The following IMMP2L variants were observed in gnomAD, a reference collection of about 807,000 sequenced individuals.
IMMP2L encodes inner mitochondrial membrane peptidase subunit 2.
IMMP2L carries 18 observed loss-of-function variants against 19.3 expected under a neutral mutation model. That is an observed-to-expected ratio of 0.93 (90% confidence interval 0.64 to 1.38). The LOEUF (loss-of-function observed/expected upper bound fraction) is 1.38. Among genes scored for constraint, IMMP2L ranks in the 40% most tolerant of loss-of-function variants. The probability of loss-of-function intolerance (pLI) is 0.00; values close to 1 mark genes in which losing one functional copy is unlikely to be tolerated. For missense variants in IMMP2L, 233 were observed against 218.2 expected (o/e 1.07, Z -0.43); for synonymous variants, 76 against 73.0 (o/e 1.04, Z -0.21).
At chr7:110,791,187 G>C (rs2131147921) in intron 5 of IMMP2L, among the ~76,000 whole-genome samples, 1 of 151,734 alleles carries the variant, frequency 6.6e-6, no homozygotes, top group South Asian at 2.1e-4. Flanking sequence ...GCACATAATA[G>C]AAAAAGAATT....
intron 5 of IMMP2L, among the ~76,000 whole-genome samples, chr7:110,790,208 G>A (rs1210552806): frequency 6.6e-6 from 1 of 151,594 alleles, no homozygotes; most frequent in Non-Finnish European, 1.5e-5. Flanking sequence ...AAACCAGCCT[G>A]ACTTGCTTGA....
intron 3 of IMMP2L, among the ~76,000 whole-genome samples, chr7:111,167,606 G>C (rs980626241): frequency 6.6e-6 from 1 of 151,996 alleles, no homozygotes; most frequent in East Asian, 1.9e-4. Flanking sequence ...CTTACCTTTA[G>C]TGTATTGACG....
chr7:111,269,372 A>T (rs1818199383), intron 3 of IMMP2L, among the ~76,000 whole-genome samples: 1 of 152,214 alleles, frequency 6.6e-6, no homozygotes, highest in Admixed American at 6.6e-5. Flanking sequence ...CAAATGATAG[A>T]ATTTTTAAGC....
In IMMP2L at chr7:111,339,132, T is replaced by C. The variant is rs1437606156; in HGVS notation, c.239+148106A>G. Reference sequence around the variant, plus strand: ...ATTACTTTCAGGAAACAGAAGCAACTGAATTATATAATAGAAATATTAGTT... The same window carrying C: ...ATTACTTTCAGGAAACAGAAGCAACCGAATTATATAATAGAAATATTAGTT... On this transcript the variant is annotated intron_variant, in intron 3 of 5. Coordinates refer to ENST00000405709, the MANE Select transcript of IMMP2L (RefSeq NM_032549.4). Among the ~76,000 whole-genome samples, 5 of 152,080 alleles carry C rather than the reference T, an allele frequency of 3.3e-5. 1 individual carries two copies. The highest frequency in any genetic ancestry group is 7.4e-5 in the Non-Finnish European group (5 of 67,982).
At chr7:110,717,243 G>C (rs1194792093) in intron 5 of IMMP2L, among the ~76,000 whole-genome samples, 2 of 152,186 alleles carry the variant, frequency 1.3e-5, no homozygotes, top group African/African-American at 4.8e-5. Flanking sequence ...TTGGGAGGCC[G>C]AGGCGGGCGG....
chr7:111,408,801 G>T (rs764235961), intron 3 of IMMP2L, among the ~76,000 whole-genome samples: 2 of 151,606 alleles, frequency 1.3e-5, no homozygotes, highest in Non-Finnish European at 2.9e-5. Flanking sequence ...TAAATGATCA[G>T]CAAGCCTGAC....
At chr7:111,205,101 G>A (rs1810554765) in intron 3 of IMMP2L, among the ~76,000 whole-genome samples, 1 of 152,032 alleles carries the variant, frequency 6.6e-6, no homozygotes, top group Admixed American at 6.6e-5. Context: ...TTGCAGGAGG[G>A]GCAAAAAGTA....
intron 3 of IMMP2L, among the ~76,000 whole-genome samples, chr7:111,151,373 C>T (rs1052727912): frequency 4.6e-5 from 7 of 151,862 alleles, no homozygotes; most frequent in African/African-American, 1.7e-4. Flanking sequence ...ATATAATCAC[C>T]AAAATTCAAC....
intron 1 of IMMP2L, among the ~76,000 whole-genome samples, chr7:111,547,515 C>CGG (rs1554546570): frequency 6.8e-6 from 1 of 147,974 alleles, no homozygotes; most frequent in African/African-American, 2.6e-5. Context: ...ACCCCCCCCC[C>CGG]CTTTTTATCC....
At chr7:111,379,238 A>G (rs570172893) in intron 3 of IMMP2L, among the ~76,000 whole-genome samples, 3 of 151,004 alleles carry the variant, frequency 2.0e-5, no homozygotes, top group African/African-American at 7.3e-5. Flanking sequence ...CCTATTAAAG[A>G]TAAGAAACAT....
chr7:111,476,172 G>A (rs1459694504), intron 3 of IMMP2L, among the ~76,000 whole-genome samples: 2 of 152,096 alleles, frequency 1.3e-5, no homozygotes, highest in African/African-American at 4.8e-5. Context: ...AACCTGTGCA[G>A]GGTCACTCAG....
At chr7:110,949,189 CCT>C (rs2129553941) in intron 4 of IMMP2L, among the ~76,000 whole-genome samples, 1 of 152,228 alleles carries the variant, frequency 6.6e-6, no homozygotes, top group African/African-American at 2.4e-5. Flanking sequence ...TAATAAATCC[CCT>C]CTCATATATC....
chr7:111,124,458 T>C lies in IMMP2L; in HGVS notation c.240-160893A>G, dbSNP rs373858725. On this transcript the variant is annotated intron_variant, in intron 3 of 5. Transcript: ENST00000405709. ...GGACAGCCTTTGTCAAGACTGAAAA[T>C]TCTCATGCTGCGCAAAGTGCTCGAA... 1.9e-6 allele frequency: 3 copies of C among 1,613,778 alleles called. No individual in the cohort carries two copies. The African/African-American group carries it at 4.0e-5, about 22-fold the overall frequency.
At chr7:111,285,330 A>G (rs1293698497) in intron 3 of IMMP2L, among the ~76,000 whole-genome samples, 1 of 152,152 alleles carries the variant, frequency 6.6e-6, no homozygotes, top group African/African-American at 2.4e-5. Context: ...AGAAATCATC[A>G]TTTACAAAAT....
intron 3 of IMMP2L, among the ~76,000 whole-genome samples, chr7:111,401,780 G>A (rs1315517631): frequency 6.6e-6 from 1 of 152,086 alleles, no homozygotes; most frequent in East Asian, 1.9e-4. Flanking sequence ...GGAATAACTT[G>A]AGAGGCTATT....
chr7:110,923,664 T>C (rs1814540665), intron 4 of IMMP2L, among the ~76,000 whole-genome samples: 1 of 152,038 alleles, frequency 6.6e-6, no homozygotes, highest in Non-Finnish European at 1.5e-5. Context: ...CTATCAAATA[T>C]ACTTTATACA....
At chr7:111,472,265 C>T (rs1841339503) in intron 3 of IMMP2L, among the ~76,000 whole-genome samples, 1 of 151,918 alleles carries the variant, frequency 6.6e-6, no homozygotes, top group African/African-American at 2.4e-5. Flanking sequence ...AAGTACACAT[C>T]TCTTTAAAAA....
chr7:111,162,564 A>T (rs905478006), intron 3 of IMMP2L, among the ~76,000 whole-genome samples: 1 of 151,978 alleles, frequency 6.6e-6, no homozygotes, highest in African/African-American at 2.4e-5. Flanking sequence ...TCCATTCTCC[A>T]TTTTAAAATT....
intron 5 of IMMP2L, among the ~76,000 whole-genome samples, chr7:110,699,348 T>C (rs1279853846): frequency 6.6e-6 from 1 of 152,218 alleles, no homozygotes; most frequent in Non-Finnish European, 1.5e-5. Flanking sequence ...CCTAGGAAGT[T>C]ACTGGGCTTG....
Sources: allele counts gnomAD v4.1 joint callset (sites outside exome capture counted in the v4.1 genomes callset), GRCh38; gene constraint gnomAD v4.1.1; transcripts MANE v1.5; gene names NCBI Gene and HGNC (gene_info 2026-07-23, HGNC 2026-07-21).